Variants in MBNL1 observed in about 807,000 individuals in gnomAD.
MBNL1 encodes the protein muscleblind-like protein 1.
In MBNL1, 8 loss-of-function variants were observed where a neutral mutation model predicts 42.2. The ratio of observed to expected loss-of-function variants is 0.19; its 90% CI spans 0.11 to 0.34. The LOEUF is 0.34. MBNL1 is among the 10% of genes least tolerant of loss of function. The pLI is 1.00. For missense variants in MBNL1, 309 were observed against 495.3 expected (o/e 0.62, Z 3.57); for synonymous variants, 169 against 173.9 (o/e 0.97, Z 0.22).
intron 2 of MBNL1, among the ~76,000 whole-genome samples, chr3:152,374,305 A>T (rs953353569): frequency 6.6e-6 from 1 of 152,160 alleles, no homozygotes; most frequent in Non-Finnish European, 1.5e-5. Flanking sequence ...AGTTGGATGG[A>T]GAAGGGTCAT....
intron 1 of MBNL1, among the ~76,000 whole-genome samples, chr3:152,278,583 A>G (rs1206929268): frequency 6.6e-6 from 1 of 152,162 alleles, no homozygotes; most frequent in Non-Finnish European, 1.5e-5. Context: ...TCAGAGTGAT[A>G]TAGTTTTGAG....
intron 2 of MBNL1, among the ~76,000 whole-genome samples, chr3:152,252,291 C>T (rs2034752982): frequency 6.9e-6 from 1 of 144,888 alleles, no homozygotes; most frequent in Non-Finnish European, 1.5e-5. Flanking sequence ...CTCCCTCCCT[C>T]CCTTTGTTCC....
chr3:152,387,233 G>A, intron 2 of MBNL1, among the ~76,000 whole-genome samples: 1 of 144,260 alleles, frequency 6.9e-6, no homozygotes, highest in Non-Finnish European at 1.5e-5. Context: ...AGCTATTCCA[G>A]TCTGTGTATT....
intron 2 of MBNL1, among the ~76,000 whole-genome samples, chr3:152,245,580 C>T (rs544737715): frequency 2.6e-5 from 4 of 152,004 alleles, no homozygotes; most frequent in Admixed American, 6.6e-5. Flanking sequence ...CTCATGGCTT[C>T]CAAAAAAGAA....
chr3:152,422,929 C>G (rs1270263279), intron 3 of MBNL1, among the ~76,000 whole-genome samples: 1 of 152,180 alleles, frequency 6.6e-6, no homozygotes, highest in Non-Finnish European at 1.5e-5. Flanking sequence ...ACCAGAATCT[C>G]TGGGACACAG....
intron 2 of MBNL1, among the ~76,000 whole-genome samples, chr3:152,409,000 C>T (rs1188886247): frequency 2.6e-5 from 4 of 152,138 alleles, no homozygotes; most frequent in African/African-American, 9.7e-5. Context: ...TAACCCAAGT[C>T]CTTTACGGAA....
chr3:152,274,666 T>G (rs1390213437), intron 1 of MBNL1, among the ~76,000 whole-genome samples: 3 of 152,290 alleles, frequency 2.0e-5, no homozygotes, highest in African/African-American at 7.2e-5. Flanking sequence ...TTCCATATGT[T>G]TATAGATAAC....
chr3:152,380,448 C>T (rs2097133587), intron 2 of MBNL1, among the ~76,000 whole-genome samples: 1 of 152,010 alleles, frequency 6.6e-6, no homozygotes, highest in Non-Finnish European at 1.5e-5. Context: ...GGGGAATCGA[C>T]AGGGAAACAG....
At chr3:152,258,437 T>C (rs1345066737) in intron 2 of MBNL1, among the ~76,000 whole-genome samples, 1 of 152,202 alleles carries the variant, frequency 6.6e-6, no homozygotes, top group Non-Finnish European at 1.5e-5. Context: ...CATGGGAAAT[T>C]ACACTTAATC....
chr3:152,353,001 A>G (rs1033839945), intron 2 of MBNL1, among the ~76,000 whole-genome samples: 2 of 152,242 alleles, frequency 1.3e-5, no homozygotes, highest in Admixed American at 1.3e-4. Flanking sequence ...ATAGTTTACA[A>G]ACATAGAAAC....
Position 152,432,934 on chromosome 3 carries a change from G to C in MBNL1, c.549+14G>C, listed in dbSNP as rs762615093. ...GACAGACTTGAGGTAGGAATGACTA[G>C]TTGGTGTCTTTATATACTACATTCT... On this transcript the variant is annotated intron_variant, in intron 4 of 9. Coordinates refer to ENST00000324210, the MANE Select transcript of MBNL1 (RefSeq NM_021038.5). 3.7e-6 allele frequency: 6 copies of C among 1,605,210 alleles called. No individual in the cohort carries two copies. The highest frequency in any genetic ancestry group is 1.6e-4 in the Middle Eastern group (1 of 6,064).
intron 2 of MBNL1, among the ~76,000 whole-genome samples, chr3:152,260,609 C>T (rs2036085417): frequency 2.0e-5 from 3 of 152,180 alleles, no homozygotes; most frequent in Non-Finnish European, 1.5e-5. Flanking sequence ...CTTTATCTCT[C>T]AGAGGCTCTG....
At chr3:152,350,966 A>G (rs566288889) in intron 2 of MBNL1, among the ~76,000 whole-genome samples, 2 of 152,262 alleles carry the variant, frequency 1.3e-5, no homozygotes, top group African/African-American at 2.4e-5. Context: ...AGCCCTGCCT[A>G]TCGATCATAG....
intron 3 of MBNL1, among the ~76,000 whole-genome samples, chr3:152,422,823 T>C (rs2153697323): frequency 6.6e-6 from 1 of 152,268 alleles, no homozygotes; most frequent in African/African-American, 2.4e-5. Context: ...ACATGGAAAC[T>C]GAACAACCTG....
In MBNL1 at chr3:152,456,314, A is replaced by G; in HGVS notation, c.1045A>G (p.Thr349Ala). 6.2e-7 allele frequency: 1 copy of G among 1,614,018 alleles called. No homozygotes were observed. Among genetic ancestry groups the G allele is most frequent in the Non-Finnish European group, 8.5e-7 (1 of 1,179,906 alleles). Residue 349 changes from threonine (T) to alanine (A), a missense_variant, in exon 8 of 10, where the codon ACA becomes GCA. By Grantham distance (58) the Thr-to-Ala change is moderately conservative (BLOSUM62 0). Coordinates refer to ENST00000324210, the MANE Select transcript of MBNL1 (RefSeq NM_021038.5). ...ATPATVSAAT[T>A]SATSVPFAAT... ...GCCAGCCACTGTGTCCGCAGCAACAACATCTGCCACAAGTGTTCCCTTCGC... is the reference window on the plus strand; with the variant it reads ...GCCAGCCACTGTGTCCGCAGCAACAGCATCTGCCACAAGTGTTCCCTTCGC...
chr3:152,330,377 G>A (rs555669323), intron 2 of MBNL1, among the ~76,000 whole-genome samples: 2 of 152,202 alleles, frequency 1.3e-5, no homozygotes, highest in South Asian at 4.1e-4. Flanking sequence ...TGGGATTACT[G>A]GCTTGAGCCA....
Position 152,250,050 on chromosome 3 carries a change from T to C in MBNL1, n.333+5610T>C, listed in dbSNP as rs867343645. 5.1e-4 allele frequency among the ~76,000 whole-genome samples: 78 copies of C among 151,640 alleles called. No individual in the cohort carries two copies. In the South Asian group the frequency reaches 8.8e-3, roughly 17 times the overall value. Reference sequence around the variant, plus strand: ...TGTAGTATAGTTTGAAGTCAGGTAGTGTGATGCCTCCAGCTTTGTTCTTTT... The same window carrying C: ...TGTAGTATAGTTTGAAGTCAGGTAGCGTGATGCCTCCAGCTTTGTTCTTTT... On this transcript the variant is annotated intron_variant and non_coding_transcript_variant, in intron 2 of 2. Transcript: ENST00000477171.
At chr3:152,309,783 C>T (rs916635703) in intron 2 of MBNL1, among the ~76,000 whole-genome samples, 2 of 149,490 alleles carry the variant, frequency 1.3e-5, no homozygotes, top group African/African-American at 2.4e-5. Context: ...CTCATCTAAT[C>T]GTTCATAGAC....
At chr3:152,410,056 T>A (rs2098528814) in intron 2 of MBNL1, among the ~76,000 whole-genome samples, 1 of 152,068 alleles carries the variant, frequency 6.6e-6, no homozygotes, top group Admixed American at 6.6e-5. Flanking sequence ...TTTGATTGGC[T>A]ATTAATTACC....
Sources: gnomAD v4.1 joint callset for allele counts (sites outside exome capture counted in the v4.1 genomes callset) on GRCh38, gnomAD v4.1.1 for gene constraint, MANE v1.5 for transcripts, NCBI Gene and HGNC (gene_info 2026-07-23, HGNC 2026-07-21) for gene names.